Variants in ABLIM2 observed in about 807,000 individuals in gnomAD.
The protein encoded by ABLIM2 is actin-binding LIM protein 2.
Under a neutral mutation model 97.7 loss-of-function variants are expected in ABLIM2, and 53 were observed. The ratio of observed to expected loss-of-function variants is 0.54; its 90% CI spans 0.44 to 0.68. The LOEUF (loss-of-function observed/expected upper bound fraction) is 0.68, where lower values mean the gene tolerates loss of function less well. ABLIM2 is among the 30% of genes least tolerant of loss of function. The pLI is 0.00. For synonymous variants in ABLIM2, 361 were observed against 345.8 expected (o/e 1.04, Z -0.49); for missense variants, 835 against 867.2 (o/e 0.96, Z 0.47).
intron 8 of ABLIM2, among the ~76,000 whole-genome samples, chr4:8,052,050 C>A (rs1225646610): frequency 6.6e-6 from 1 of 152,232 alleles, no homozygotes; most frequent in Non-Finnish European, 1.5e-5. Flanking sequence ...TGCCTTTCTT[C>A]TTTCTTGCCT....
rs1409906254 is a variant in ABLIM2 at position 8,044,498 on chromosome 4, A to G, written c.900+666T>C. ...ATACATATATAAATTTAAATATACA[A>G]TATTAAATGTATTAAATATTAAATA... On this transcript the variant is annotated intron_variant, in intron 9 of 20. Transcript: ENST00000447017. This position sits in a 1 kb window ranked among gnomAD's most constrained non-coding sequence, Gnocchi z 4.4. 6.6e-6 allele frequency among the ~76,000 whole-genome samples: 1 copy of G among 151,880 alleles called. No homozygotes were observed. The highest frequency in any genetic ancestry group is 1.5e-5 in the Non-Finnish European group (1 of 67,996).
chr4:8,065,390 G>A (rs183189961), intron 6 of ABLIM2, among the ~76,000 whole-genome samples: 91 of 152,280 alleles, frequency 6.0e-4, no homozygotes, highest in Middle Eastern at 3.4e-3. Flanking sequence ...AACCATAGGA[G>A]ACACCACTTC....
rs924896043 is a variant in ABLIM2, at chr4:8,147,779, G to T, written c.10+10901C>A. ...TTGAACTGCTGGCCTCCAGAGCTGG[G>T]AGGAAATGCCTTCTCTTGCTTTAAG... On this transcript the variant is annotated intron_variant, in intron 1 of 20. Transcript: ENST00000447017. The surrounding 1 kb of genome is among the most constrained non-coding windows in gnomAD (Gnocchi z 5.3). 6.6e-6 allele frequency among the ~76,000 whole-genome samples: 1 copy of T among 152,228 alleles called. No individual in the cohort carries two copies. The highest frequency in any genetic ancestry group is 1.5e-5 in the Non-Finnish European group (1 of 68,044).
rs1577358818 is a variant in ABLIM2, at chr4:8,082,185, C to T, written c.455-1383G>A. The stretch of plus-strand genomic sequence containing the variant: ...GAGTAATTCACAGACCAAGCAGGGA[C>T]CCCTCGTGCCCAAGGAAACCTCTAC... On this transcript the variant is annotated intron_variant, in intron 4 of 20. Transcript: ENST00000447017. This position sits in a 1 kb window ranked among gnomAD's most constrained non-coding sequence, Gnocchi z 5.6. 6.6e-6 allele frequency among the ~76,000 whole-genome samples: 1 copy of T among 152,210 alleles called. No individual in the cohort carries two copies. Among genetic ancestry groups the T allele is most frequent in the Admixed American group, 6.5e-5 (1 of 15,302 alleles).
At chr4:8,062,377 G>A (rs983120248) in intron 6 of ABLIM2, among the ~76,000 whole-genome samples, 2 of 152,330 alleles carry the variant, frequency 1.3e-5, no homozygotes, top group South Asian at 2.1e-4. Context: ...CCCAGAATGT[G>A]GGTGAAACAA....
rs760599605 is a variant in ABLIM2 at position 8,005,330 on chromosome 4, T to A, written c.1618+2729A>T. 1.9e-6 allele frequency: 1 copy of A among 533,222 alleles called. No homozygotes were observed. Among genetic ancestry groups the A allele is most frequent in the Non-Finnish European group, 3.8e-6 (1 of 259,966 alleles). The allele number at this position is 533,222 out of a possible 1,614,324, so 33.0% of individuals were successfully genotyped here. A position where few individuals can be genotyped will look rare whatever the true frequency, so the allele number is the denominator to read the frequency against. ...GAGTGGGTGCTCAATAAATACCCGT[T>A]GAATGTAACGCATTTCAATTCAACA... On this transcript the variant is annotated intron_variant, in intron 16 of 20. Coordinates refer to ENST00000447017, the MANE Select transcript of ABLIM2 (RefSeq NM_001130083.2). The surrounding 1 kb of genome is among the most constrained non-coding windows in gnomAD (Gnocchi z 4.9).
intron 1 of ABLIM2, among the ~76,000 whole-genome samples, chr4:8,111,812 G>A (rs944669214): frequency 1.3e-5 from 2 of 151,590 alleles, no homozygotes; most frequent in African/African-American, 2.4e-5. Flanking sequence ...TGTAATCCCA[G>A]CTACTCGAGA....
chr4:7,998,685 G>T lies in ABLIM2; in HGVS notation c.1619-5758C>A, dbSNP rs887788746. Reference sequence around the variant, plus strand: ...CTTTTGCCACCACATGGGAGGCTGGGAGTCTGCAGGTCTGGGCCACCTCCT... The same window carrying T: ...CTTTTGCCACCACATGGGAGGCTGGTAGTCTGCAGGTCTGGGCCACCTCCT... On this transcript the variant is annotated intron_variant, in intron 16 of 20. Transcript: ENST00000447017. This position sits in a 1 kb window ranked among gnomAD's most constrained non-coding sequence, Gnocchi z 6.4. 4 of 508,984 alleles carry T rather than the reference G, an allele frequency of 7.9e-6. No homozygotes were observed. The highest frequency in any genetic ancestry group is 1.9e-5 in the African/African-American group (1 of 51,640). 31.5% of individuals were successfully genotyped at this position (508,984 alleles called of 1,614,324 possible).
intron 1 of ABLIM2, among the ~76,000 whole-genome samples, chr4:8,121,390 C>T (rs374749687): frequency 3.9e-4 from 59 of 152,334 alleles, no homozygotes; most frequent in African/African-American, 7.0e-4. Context: ...CTGGCCCAGG[C>T]GCCCCCGGCA....
intron 6 of ABLIM2, among the ~76,000 whole-genome samples, chr4:8,070,287 T>C (rs1811086230): frequency 1.3e-5 from 2 of 148,386 alleles, no homozygotes; most frequent in Admixed American, 6.7e-5. Flanking sequence ...TGTGTGTGTA[T>C]ATCTCGTGTG....
chr4:8,014,915 CCTTT>C (rs1302519734), intron 14 of ABLIM2, among the ~76,000 whole-genome samples: 45 of 146,988 alleles, frequency 3.1e-4, no homozygotes, highest in African/African-American at 8.0e-4. Context: ...TTCCTTCCTT[CCTTT>C]CTTTCTTTTT....
intron 14 of ABLIM2, among the ~76,000 whole-genome samples, chr4:8,016,688 GTCTC>G (rs1769512300): frequency 1.3e-5 from 2 of 152,160 alleles, no homozygotes; most frequent in South Asian, 2.1e-4. Context: ...GATAAAGACT[GTCTC>G]GAGGACTTTC....
At chr4:8,029,112 G>C (rs1779221979) in intron 11 of ABLIM2, among the ~76,000 whole-genome samples, 4 of 152,224 alleles carry the variant, frequency 2.6e-5, no homozygotes, top group Non-Finnish European at 4.4e-5. Flanking sequence ...GAAAGGACCT[G>C]TCTCGGGGCT....
chr4:7,973,767 G>A (rs1393023333), intron 20 of ABLIM2, among the ~76,000 whole-genome samples: 1 of 152,232 alleles, frequency 6.6e-6, no homozygotes, highest in Non-Finnish European at 1.5e-5. Context: ...GAGGGCCTCA[G>A]GCCAGACAAC....
At chr4:8,097,427 A>G (rs1832227379) in intron 2 of ABLIM2, 145 bp from the exon 3 acceptor site, 3 of 1,030,990 alleles carry the variant, frequency 2.9e-6, no homozygotes, top group Admixed American at 3.0e-5. Flanking sequence ...TGGCTTGCTC[A>G]ACTCTCGGCG....
rs780471963 is a variant in ABLIM2, at chr4:8,128,886, A to T, written c.11-22249T>A. ...CTGTCTGCAGCTCAGAAGAGGGCCC[A>T]CCCAGAGCCCGACCATGCTGGCACT... is the stretch of plus-strand genomic sequence containing the variant. On this transcript the variant is annotated intron_variant, in intron 1 of 20. Coordinates refer to ENST00000447017, the MANE Select transcript of ABLIM2 (RefSeq NM_001130083.2). This position sits in a 1 kb window ranked among gnomAD's most constrained non-coding sequence, Gnocchi z 4.9. 6.6e-6 allele frequency among the ~76,000 whole-genome samples: 1 copy of T among 152,162 alleles called. No individual in the cohort carries two copies. Among genetic ancestry groups the T allele is most frequent in the Non-Finnish European group, 1.5e-5 (1 of 68,020 alleles).
chr4:8,007,917 G>T (rs1299727193), intron 16 of ABLIM2, 142 bp downstream of exon 16: 2 of 1,468,014 alleles, frequency 1.4e-6, no homozygotes, highest in Non-Finnish European at 1.8e-6. Flanking sequence ...CCTTCCGGTC[G>T]GTCCTTAGAT....
At chr4:7,969,343 A>T (rs1345268154) in intron 20 of ABLIM2, among the ~76,000 whole-genome samples, 3 of 151,928 alleles carry the variant, frequency 2.0e-5, no homozygotes, top group African/African-American at 4.8e-5. Context: ...AGTCCCAGTT[A>T]CTGAGGAGGC....
intron 9 of ABLIM2, among the ~76,000 whole-genome samples, chr4:8,042,078 C>T (rs1789038432): frequency 6.6e-6 from 1 of 152,168 alleles, no homozygotes; most frequent in African/African-American, 2.4e-5. Flanking sequence ...GAAAACAATA[C>T]CCCAAAGTAC....
Sources: allele counts gnomAD v4.1 joint callset (sites outside exome capture counted in the v4.1 genomes callset), GRCh38; gene constraint gnomAD v4.1.1; non-coding constraint Gnocchi (gnomAD v3.1); transcripts MANE v1.5; gene names NCBI Gene and HGNC (gene_info 2026-07-23, HGNC 2026-07-21).